NALF1: variants seen among roughly 807,000 people sequenced by gnomAD.
The protein encoded by NALF1 is NALCN channel auxiliary factor 1.
Under a neutral mutation model 48.4 loss-of-function variants are expected in NALF1, and 3 were observed. That is an observed-to-expected ratio of 0.06 (90% CI 0.03 to 0.16). NALF1 has a LOEUF of 0.16. NALF1 is among the 10% of genes least tolerant of loss of function. The pLI is 1.00. For missense variants in NALF1, 526 were observed against 571.5 expected (o/e 0.92, Z 0.81); for synonymous variants, 262 against 245.7 (o/e 1.07, Z -0.62).
chr13:107,479,649 G>GT (rs35239986), intron 1 of NALF1, among the ~76,000 whole-genome samples: 40,043 of 151,944 alleles, frequency 0.26, 6,152 homozygotes, highest in Non-Finnish European at 0.34. Flanking sequence ...AAAAAAAAAT[G>GT]TAAGGAGGAG....
intron 1 of NALF1, among the ~76,000 whole-genome samples, chr13:107,731,562 C>T (rs888267998): frequency 1.3e-5 from 2 of 152,124 alleles, no homozygotes; most frequent in Admixed American, 1.3e-4. Flanking sequence ...GCACCCCCGA[C>T]CCTCAAGTAG....
At chr13:107,480,368 T>G (rs1295900479) in intron 1 of NALF1, among the ~76,000 whole-genome samples, 1 of 152,124 alleles carries the variant, frequency 6.6e-6, no homozygotes, top group Non-Finnish European at 1.5e-5. Flanking sequence ...ACTTCTTCAT[T>G]TATTAAGTCA....
intron 1 of NALF1, among the ~76,000 whole-genome samples, chr13:107,769,521 C>G (rs1321970991): frequency 1.6e-5 from 2 of 122,860 alleles, no homozygotes; most frequent in Non-Finnish European, 3.2e-5. Flanking sequence ...AGGGGAATAT[C>G]GCACTCTGGG....
At position 107,656,924 on chromosome 13, in the gene NALF1, T is replaced by C. The variant is rs9559124; in HGVS notation, c.915+208758A>G. Among the ~76,000 whole-genome samples, 2,658 of 152,216 alleles carry C rather than the reference T, an allele frequency of 0.017. 140 individuals carry two copies. The East Asian group carries it at 0.2, about 11-fold the overall frequency. ...CAGGAATGGAAAACCAAACATTGTA[T>C]TTTCTCACTCATATGTGGGAGCTAA... On this transcript the variant is annotated intron_variant, in intron 1 of 2. Coordinates refer to ENST00000375915, the MANE Select transcript of NALF1 (RefSeq NM_001080396.3).
chr13:107,212,099 A>G (rs902419488), intron 1 of NALF1, among the ~76,000 whole-genome samples: 1 of 152,148 alleles, frequency 6.6e-6, no homozygotes, highest in African/African-American at 2.4e-5. Context: ...ATGAACCTAA[A>G]ATCAGCATGG....
intron 1 of NALF1, among the ~76,000 whole-genome samples, chr13:107,379,401 T>C (rs567182893): frequency 5.5e-4 from 84 of 152,328 alleles, no homozygotes; most frequent in African/African-American, 2.0e-3. Flanking sequence ...CTCGAGAATT[T>C]CTATGTTTCT....
intron 1 of NALF1, among the ~76,000 whole-genome samples, chr13:107,516,992 G>A (rs1876074479): frequency 6.6e-6 from 1 of 152,122 alleles, no homozygotes; most frequent in African/African-American, 2.4e-5. Flanking sequence ...GAGGTAGGAT[G>A]GTGCCAGGCT....
chr13:107,787,137 GATA>G (rs1399623154), intron 1 of NALF1, among the ~76,000 whole-genome samples: 1 of 152,092 alleles, frequency 6.6e-6, no homozygotes, highest in Admixed American at 6.5e-5. Context: ...ACTCTTTTAA[GATA>G]ATATTAAACT....
intron 1 of NALF1, among the ~76,000 whole-genome samples, chr13:107,319,892 C>T (rs1306153512): frequency 6.6e-6 from 1 of 152,140 alleles, no homozygotes; most frequent in South Asian, 2.1e-4. Flanking sequence ...AAAAGAGCCA[C>T]CACTAATCTA....
chr13:107,302,643 A>T (rs1358784493), intron 1 of NALF1, among the ~76,000 whole-genome samples: 1 of 152,194 alleles, frequency 6.6e-6, no homozygotes, highest in African/African-American at 2.4e-5. Context: ...GCTAACCAAA[A>T]ACAGATCAAA....
intron 1 of NALF1, among the ~76,000 whole-genome samples, chr13:107,619,248 G>A (rs566604433): frequency 2.0e-4 from 31 of 152,284 alleles, no homozygotes; most frequent in Admixed American, 5.9e-4. Context: ...CGCTCAGGTC[G>A]GTTAAGATGT....
intron 1 of NALF1, among the ~76,000 whole-genome samples, chr13:107,336,917 A>T (rs981649932): frequency 6.6e-6 from 1 of 152,066 alleles, no homozygotes; most frequent in Non-Finnish European, 1.5e-5. Context: ...TTCATGAATA[A>T]TGATCAATTG....
intron 1 of NALF1, among the ~76,000 whole-genome samples, chr13:107,804,132 A>C (rs1426160462): frequency 6.6e-6 from 1 of 152,238 alleles, no homozygotes; most frequent in Non-Finnish European, 1.5e-5. Context: ...AATCCTGCCT[A>C]CAAGTGCCTA....
chr13:107,677,321 C>T (rs961934642), intron 1 of NALF1, among the ~76,000 whole-genome samples: 1 of 152,180 alleles, frequency 6.6e-6, no homozygotes, highest in African/African-American at 2.4e-5. Context: ...GGATTACAGG[C>T]ATGAGCCACC....
chr13:107,415,403 T>C (rs1319642457), intron 1 of NALF1, among the ~76,000 whole-genome samples: 1 of 151,878 alleles, frequency 6.6e-6, no homozygotes, highest in Non-Finnish European at 1.5e-5. Flanking sequence ...TTTTTCTGTG[T>C]GAAACAGACT....
chr13:107,856,450 G>A (rs1007558757), intron 1 of NALF1, among the ~76,000 whole-genome samples: 8 of 152,098 alleles, frequency 5.3e-5, no homozygotes, highest in Non-Finnish European at 5.9e-5. Context: ...ATATATTCTC[G>A]ATATTAGCAA....
At chr13:107,726,929 G>GTA (rs1876172637) in intron 1 of NALF1, among the ~76,000 whole-genome samples, 1 of 150,254 alleles carries the variant, frequency 6.7e-6, no homozygotes, top group Non-Finnish European at 1.5e-5. Context: ...GTGTGTGTGT[G>GTA]TGTGTGTGTG....
intron 1 of NALF1, among the ~76,000 whole-genome samples, chr13:107,298,897 T>G (rs1263362900): frequency 1.3e-5 from 2 of 152,226 alleles, no homozygotes; most frequent in African/African-American, 4.8e-5. Context: ...TTAACATTTG[T>G]GTAACACTCT....
chr13:107,851,867 G>A (rs769299548), intron 1 of NALF1, among the ~76,000 whole-genome samples: 2 of 136,054 alleles, frequency 1.5e-5, no homozygotes, highest in Admixed American at 1.7e-4. Flanking sequence ...TGAGTGCAGC[G>A]GGACAATCAT....
Sources: allele counts gnomAD v4.1 joint callset (sites outside exome capture counted in the v4.1 genomes callset), GRCh38; gene constraint gnomAD v4.1.1; transcripts MANE v1.5; gene names NCBI Gene and HGNC (gene_info 2026-07-23, HGNC 2026-07-21).